CFAP77: variants seen among roughly 807,000 people sequenced by gnomAD.
The protein encoded by CFAP77 is cilia and flagella associated protein 77.
Under a neutral mutation model 31.1 loss-of-function variants are expected in CFAP77, and 25 were observed. The ratio of observed to expected loss-of-function variants is 0.80; its 90% CI spans 0.59 to 1.12. The LOEUF is 1.12. CFAP77 is among the 50% of genes most tolerant of loss of function. CFAP77 has a pLI of 0.00. For synonymous variants in CFAP77, 151 were observed against 159.9 expected, an observed-to-expected ratio of 0.94 and a Z score of 0.42; for missense variants, 377 against 397.3, an observed-to-expected ratio of 0.95 and a Z score of 0.44.
intron 1 of CFAP77, among the ~76,000 whole-genome samples, chr9:132,469,270 T>A (rs529791533): frequency 5.3e-5 from 8 of 152,288 alleles, no homozygotes; most frequent in African/African-American, 1.9e-4. Flanking sequence ...CAAAAGCAGA[T>A]AAAGGCATGA....
intron 1 of CFAP77, chr9:132,482,456 A>G (rs961094294): frequency 6.4e-7 from 1 of 1,555,794 alleles, no homozygotes; most frequent in Middle Eastern, 1.7e-4. Context: ...CACCCTGGAG[A>G]AAAAGGGGAA....
intron 1 of CFAP77, among the ~76,000 whole-genome samples, chr9:132,487,195 A>G (rs1378044078): frequency 4.6e-5 from 7 of 152,180 alleles, no homozygotes; most frequent in Admixed American, 3.3e-4. Flanking sequence ...AACACTCTAC[A>G]TACAGCGTCG....
rs1359957738 is a variant in CFAP77, at chr9:132,498,666, A to G, written c.196-29A>G. The G allele has an allele frequency of 1.3e-6, 2 of 1,549,310 alleles. No homozygotes were observed. Among genetic ancestry groups the G allele is most frequent in the South Asian group, 2.3e-5 (2 of 87,550 alleles). ...CATTTGGTCTGAGACTCCACTCCTC[A>G]CCTCTGCTCTCTGTCCTTCCCCCGA... On this transcript the variant is annotated intron_variant, in intron 1 of 5. Transcript: ENST00000393216. The surrounding 1 kb of genome is among the most constrained non-coding windows in gnomAD (Gnocchi z 4.2).
chr9:132,493,582 T>C (rs1337290296), intron 1 of CFAP77, among the ~76,000 whole-genome samples: 1 of 152,152 alleles, frequency 6.6e-6, no homozygotes, highest in Non-Finnish European at 1.5e-5. Flanking sequence ...GCAGGTATGG[T>C]GTGAAGGGTA....
Position 132,478,936 on chromosome 9 carries a change from C to T in CFAP77, c.196-19759C>T, listed in dbSNP as rs773056368. ...CTATAAACCAGTTTGTAAGCATTCACTCCAGCCATTGAATATGACTAGCAT... is the reference window on the plus strand; with the variant it reads ...CTATAAACCAGTTTGTAAGCATTCATTCCAGCCATTGAATATGACTAGCAT... On this transcript the variant is annotated intron_variant, in intron 1 of 5. Transcript: ENST00000393216. 1.3e-3 allele frequency among the ~76,000 whole-genome samples: 205 copies of T among 152,300 alleles called. 1 individual carries two copies. In the Middle Eastern group the frequency reaches 0.017, roughly 13 times the overall value.
At chr9:132,445,799 G>A (rs568429118) in intron 1 of CFAP77, among the ~76,000 whole-genome samples, 1 of 151,366 alleles carries the variant, frequency 6.6e-6, no homozygotes, top group African/African-American at 2.4e-5. Flanking sequence ...AACCTGGGAA[G>A]TGGAGGTTGC....
chr9:132,561,339 C>T (rs1472005276), intron 5 of CFAP77, among the ~76,000 whole-genome samples: 1 of 151,506 alleles, frequency 6.6e-6, no homozygotes, highest in Admixed American at 6.6e-5. Flanking sequence ...AGCTCTTTGG[C>T]AGATTTTATT....
chr9:132,486,097 T>TTATTTTATTTTA (rs1564223329), intron 1 of CFAP77, among the ~76,000 whole-genome samples: 2 of 84,694 alleles, frequency 2.4e-5, no homozygotes, highest in African/African-American at 1.3e-4. Context: ...TATATTTTTT[T>TTATTTTATTTTA]TTTTTTTTTT....
At chr9:132,522,068 T>A (rs1347788888) in intron 3 of CFAP77, among the ~76,000 whole-genome samples, 2 of 152,090 alleles carry the variant, frequency 1.3e-5, no homozygotes, top group African/African-American at 2.4e-5. Context: ...GGCCCCAGAC[T>A]TGCATTTTTT....
intron 3 of CFAP77, chr9:132,513,144 C>A: frequency 8.7e-7 from 1 of 1,155,046 alleles, no homozygotes; most frequent in Non-Finnish European, 1.2e-6. Context: ...TCCAGCTCCT[C>A]AAGCACACAA....
chr9:132,428,828 C>T (rs993183916), intron 1 of CFAP77, among the ~76,000 whole-genome samples: 12 of 151,958 alleles, frequency 7.9e-5, no homozygotes, highest in African/African-American at 2.9e-4. Flanking sequence ...CCCTGCTCTG[C>T]GTACACTGGC....
At chr9:132,526,483 C>T (rs1162356329) in intron 3 of CFAP77, among the ~76,000 whole-genome samples, 1 of 151,958 alleles carries the variant, frequency 6.6e-6, no homozygotes, top group Admixed American at 6.6e-5. Context: ...CCGTCCGCCT[C>T]GGCCTCCCAA....
chr9:132,441,356 C>T (rs1293804901), intron 1 of CFAP77, among the ~76,000 whole-genome samples: 2 of 152,174 alleles, frequency 1.3e-5, no homozygotes, highest in Non-Finnish European at 2.9e-5. Context: ...GTGAAGTTGA[C>T]AGCTTTTTAA....
chr9:132,464,119 T>G (rs1252711724), intron 1 of CFAP77, among the ~76,000 whole-genome samples: 2 of 152,144 alleles, frequency 1.3e-5, no homozygotes, highest in Non-Finnish European at 2.9e-5. Flanking sequence ...ACAACAAAGT[T>G]CAGGTATTTC....
In CFAP77 at chr9:132,412,237, C is replaced by T. The variant is rs1488671496; in HGVS notation, c.195+1771C>T. Among the ~76,000 whole-genome samples the T allele has an allele frequency of 2.0e-5, 3 of 152,330 alleles. No individual in the cohort carries two copies. The East Asian group carries it at 5.8e-4, about 29-fold the overall frequency. On this transcript the variant is annotated intron_variant, in intron 1 of 5. Transcript: ENST00000393216. ...GAGATGCAGAGCAGGTCTGCCCTGG[C>T]CCCTGGTGACCATGCTGGAGCAGCA...
intron 1 of CFAP77, among the ~76,000 whole-genome samples, chr9:132,439,319 C>T (rs780568794): frequency 1.3e-5 from 2 of 152,160 alleles, no homozygotes; most frequent in African/African-American, 4.8e-5. Context: ...CTGGTAGGGG[C>T]GTGCAGGACC....
intron 5 of CFAP77, among the ~76,000 whole-genome samples, chr9:132,549,220 A>T (rs870596): frequency 6.6e-6 from 1 of 152,012 alleles, no homozygotes; most frequent in South Asian, 2.1e-4. Context: ...AGGCTTGTCC[A>T]GTTAAAATGA....
intron 1 of CFAP77, among the ~76,000 whole-genome samples, chr9:132,447,824 G>A (rs1218575356): frequency 6.6e-6 from 1 of 152,222 alleles, no homozygotes; most frequent in Non-Finnish European, 1.5e-5. Context: ...TCTGTACTCA[G>A]CCCTAGAATA....
intron 1 of CFAP77, among the ~76,000 whole-genome samples, chr9:132,486,268 A>G (rs1589880463): frequency 6.7e-6 from 1 of 148,280 alleles, no homozygotes; most frequent in Non-Finnish European, 1.5e-5. Context: ...AATTTTTTGT[A>G]TTTTTAATAG....
Sources: gnomAD v4.1 joint callset for allele counts (sites outside exome capture counted in the v4.1 genomes callset) on GRCh38, gnomAD v4.1.1 for gene constraint, Gnocchi (gnomAD v3.1) non-coding constraint, MANE v1.5 for transcripts, NCBI Gene and HGNC (gene_info 2026-07-23, HGNC 2026-07-21) for gene names.